Variants in DNAH14 observed in about 807,000 individuals in gnomAD.
DNAH14 encodes axonemal beta dynein heavy chain 14.
A neutral mutation model predicts 520.9 loss-of-function variants in DNAH14; 478 were observed. The observed-to-expected ratio is 0.92, with a 90% CI of 0.85 to 0.99. The LOEUF is 0.99. Among genes scored for constraint, DNAH14 ranks in the 50% least tolerant of loss-of-function variants. The probability of loss-of-function intolerance (pLI) is 0.00; values close to 1 mark genes in which losing one functional copy is unlikely to be tolerated. For missense variants in DNAH14, 4,831 were observed against 5,234.5 expected (o/e 0.92, Z 2.38); for synonymous variants, 1,581 against 1,757.2 (o/e 0.90, Z 2.51).
intron 20 of DNAH14, among the ~76,000 whole-genome samples, chr1:225,084,537 T>C (rs994139518): frequency 6.6e-6 from 1 of 152,052 alleles, no homozygotes; most frequent in Non-Finnish European, 1.5e-5. Flanking sequence ...TTGTGCAGGC[T>C]CTGAAAAACC....
Position 225,152,817 on chromosome 1 carries a change from T to A in DNAH14, c.5130T>A (p.Ser1710=), listed in dbSNP as rs770530587. The change falls in exon 33 of 86, where the codon TCT becomes TCA. Residue 1710 remains serine (S), a synonymous_variant. Coordinates refer to ENST00000682510, the MANE Select transcript of DNAH14 (RefSeq NM_001367479.1). ...EIILFSFGFK[S]ANSLSGKLTN... ...TATTGTTTTCATTTGGTTTCAAATC[T>A]GCAAATTCACTCTCTGGAAAGCTAA... The A allele has an allele frequency of 6.4e-7, 1 of 1,551,482 alleles. No homozygotes were observed. The highest frequency in any genetic ancestry group is 1.2e-5 in the South Asian group (1 of 84,040).
chr1:225,167,811 C>A, intron 35 of DNAH14, 128 bp from the exon 36 acceptor site: 1 of 501,760 alleles, frequency 2.0e-6, no homozygotes, highest in Non-Finnish European at 3.5e-6. Context: ...GGTTGGTGAA[C>A]TAAAAAATCA....
At chr1:225,151,691 T>G (rs1186903913) in intron 31 of DNAH14, among the ~76,000 whole-genome samples, 1 of 152,220 alleles carries the variant, frequency 6.6e-6, no homozygotes, top group Non-Finnish European at 1.5e-5. Context: ...CAGAGCTCTT[T>G]TATTCCCTAA....
intron 27 of DNAH14, among the ~76,000 whole-genome samples, chr1:225,136,380 C>T (rs12084937): frequency 0.043 from 6,544 of 152,212 alleles, 413 homozygotes; most frequent in African/African-American, 0.14. Context: ...ATTTGCTTTT[C>T]TGAAAAGGAT....
intron 81 of DNAH14, among the ~76,000 whole-genome samples, chr1:225,383,899 A>G (rs139772347): frequency 1.3e-5 from 2 of 152,214 alleles, no homozygotes; most frequent in East Asian, 3.9e-4. Context: ...TCCCCTACAC[A>G]TTGCTTTAAA....
chr1:225,322,607 CA>C, intron 61 of DNAH14, 56 bp from the exon 62 acceptor site: 2 of 1,401,250 alleles, frequency 1.4e-6, no homozygotes, highest in Non-Finnish European at 1.9e-6. Flanking sequence ...GAGATATTTA[CA>C]GGGTGCATTT....
intron 17 of DNAH14, among the ~76,000 whole-genome samples, chr1:225,056,673 T>A (rs1380455755): frequency 6.6e-6 from 1 of 152,188 alleles, no homozygotes; most frequent in Non-Finnish European, 1.5e-5. Context: ...GGTCTAACAT[T>A]TAAGTCTTTA....
In DNAH14 at chr1:225,302,518, C is replaced by T. The variant is rs559264025; in HGVS notation, c.8632-638C>T. ...GTCACTGAGGCTGTTTTCAGTAATG[C>T]GGACTTATTGCAAAGTGATATCTGG... On this transcript the variant is annotated intron_variant, in intron 56 of 85. Transcript: ENST00000682510. Among the ~76,000 whole-genome samples the T allele has an allele frequency of 9.0e-4, 137 of 152,250 alleles. 2 individuals carry two copies. The highest frequency in any genetic ancestry group is 3.2e-3 in the African/African-American group (133 of 41,556).
rs556145410 is a variant in DNAH14 at position 225,127,564 on chromosome 1, T to G, written c.4254+3950T>G. Among the ~76,000 whole-genome samples, 29 of 152,230 alleles carry G rather than the reference T, an allele frequency of 1.9e-4. No homozygotes were observed. The South Asian group carries it at 2.9e-3, about 15-fold the overall frequency. On this transcript the variant is annotated intron_variant, in intron 27 of 85. Coordinates refer to ENST00000682510, the MANE Select transcript of DNAH14 (RefSeq NM_001367479.1). ...TTTTTTCTTTTCCATTTGCTTGGTA[T>G]ATCTTCCTCCATCCTTTTATTTTGA... is the stretch of plus-strand genomic sequence containing the variant.
intron 77 of DNAH14, among the ~76,000 whole-genome samples, chr1:225,371,166 TAAG>T (rs985414019): frequency 1.3e-5 from 2 of 152,132 alleles, no homozygotes; most frequent in African/African-American, 4.8e-5. Flanking sequence ...ATAATATACA[TAAG>T]AACTGTAGAT....
chr1:225,130,051 A>C (rs994923256), intron 27 of DNAH14, among the ~76,000 whole-genome samples: 17 of 152,256 alleles, frequency 1.1e-4, no homozygotes, highest in African/African-American at 4.1e-4. Context: ...TTATGCAGCC[A>C]AAAGACACAT....
At chr1:225,185,654 A>G (rs1042623365) in intron 37 of DNAH14, among the ~76,000 whole-genome samples, 2 of 151,920 alleles carry the variant, frequency 1.3e-5, no homozygotes, top group Non-Finnish European at 2.9e-5. Flanking sequence ...GCATCTTAAT[A>G]AATGAACTTT....
At chr1:224,987,734 C>T (rs113493760) in intron 8 of DNAH14, among the ~76,000 whole-genome samples, 6,351 of 152,180 alleles carry the variant, frequency 0.042, 219 homozygotes, top group Non-Finnish European at 0.061. Context: ...TCAAGTGATT[C>T]CCCTGCCTCA....
At chr1:225,391,689 G>A (rs571375730) in intron 83 of DNAH14, among the ~76,000 whole-genome samples, 27 of 152,176 alleles carry the variant, frequency 1.8e-4, no homozygotes, top group Admixed American at 3.3e-4. Context: ...GGCTGCTGGC[G>A]TCATTCACTG....
chr1:225,353,853 T>G lies in DNAH14; in HGVS notation c.11584T>G (p.Trp3862Gly), dbSNP rs1468268482. 3.3e-6 allele frequency: 5 copies of G among 1,516,022 alleles called. No homozygotes were observed. The highest frequency in any genetic ancestry group is 4.5e-6 in the Non-Finnish European group (5 of 1,119,878). 93.9% of individuals were successfully genotyped at this position (1,516,022 alleles called of 1,614,324 possible). Residue 3862 changes from tryptophan to glycine, a missense_variant, in exon 73 of 86, where the codon TGG becomes GGG. Coordinates refer to ENST00000682510, the MANE Select transcript of DNAH14 (RefSeq NM_001367479.1). ...AACGTGTAATCCTATAAATTTTCCC[T>G]GGGAGAAACTCACTTCATTTCAAAG... The part of the protein sequence containing the change: ...KETCNPINFP[W>G]EKLTSFQRLI...
At chr1:225,067,240 A>G (rs2070998971) in intron 17 of DNAH14, among the ~76,000 whole-genome samples, 1 of 152,092 alleles carries the variant, frequency 6.6e-6, no homozygotes, top group Admixed American at 6.6e-5. Flanking sequence ...TTCCTGCATT[A>G]ATTTGCTAAG....
At chr1:224,951,455 T>C (rs545451206) in intron 1 of DNAH14, among the ~76,000 whole-genome samples, 1 of 152,192 alleles carries the variant, frequency 6.6e-6, no homozygotes, top group East Asian at 1.9e-4. Context: ...TTTTTCATCT[T>C]ATCTCCAGTT....
intron 27 of DNAH14, among the ~76,000 whole-genome samples, chr1:225,138,974 A>C (rs1375311112): frequency 3.3e-5 from 5 of 151,012 alleles, no homozygotes. Context: ...CTCCATAATC[A>C]AGTATTTTTA....
intron 8 of DNAH14, among the ~76,000 whole-genome samples, chr1:224,984,253 A>G (rs2125710451): frequency 6.6e-6 from 1 of 152,306 alleles, no homozygotes; most frequent in Non-Finnish European, 1.5e-5. Context: ...CTTACAGTCA[A>G]CTGATCTTTG....
Sources: allele counts gnomAD v4.1 joint callset (sites outside exome capture counted in the v4.1 genomes callset), GRCh38; gene constraint gnomAD v4.1.1; transcripts MANE v1.5; gene names NCBI Gene and HGNC (gene_info 2026-07-23, HGNC 2026-07-21).